The following GUCY1A2 variants were observed in gnomAD, a reference collection of about 807,000 sequenced individuals.
The protein encoded by GUCY1A2 is guanylate cyclase 1 soluble subunit alpha 2.
GUCY1A2 carries 27 observed loss-of-function variants against 63.5 expected under a neutral mutation model. The ratio of observed to expected loss-of-function variants is 0.43; its 90% CI spans 0.31 to 0.59. The LOEUF (loss-of-function observed/expected upper bound fraction) is 0.59, where lower values mean the gene tolerates loss of function less well. Ranked by LOEUF, GUCY1A2 falls within the 20% of genes least tolerant of loss-of-function variation. GUCY1A2 has a pLI of 0.11. For synonymous variants in GUCY1A2, 364 were observed against 343.5 expected, an observed-to-expected ratio of 1.06 and a Z score of -0.66; for missense variants, 768 against 913.3, an observed-to-expected ratio of 0.84 and a Z score of 2.05.
intron 6 of GUCY1A2, among the ~76,000 whole-genome samples, chr11:106,710,642 TAGTC>T (rs1246904403): frequency 6.6e-6 from 1 of 151,748 alleles, no homozygotes; most frequent in Non-Finnish European, 1.5e-5. Flanking sequence ...ACTCTCTGAT[TAGTC>T]TGTCTGGTCC....
chr11:106,986,923 G>C (rs1032232757), intron 1 of GUCY1A2, among the ~76,000 whole-genome samples: 1 of 152,138 alleles, frequency 6.6e-6, no homozygotes, highest in African/African-American at 2.4e-5. Context: ...TTAAGACAGA[G>C]GTTCTTAATC....
chr11:106,940,819 A>T (rs1860742856), intron 3 of GUCY1A2, among the ~76,000 whole-genome samples: 1 of 152,130 alleles, frequency 6.6e-6, no homozygotes, highest in African/African-American at 2.4e-5. Flanking sequence ...AGTTATCATA[A>T]ATAATATATT....
intron 4 of GUCY1A2, among the ~76,000 whole-genome samples, chr11:106,922,480 T>C (rs1304915681): frequency 2.6e-5 from 4 of 151,092 alleles, no homozygotes; most frequent in Non-Finnish European, 5.9e-5. Flanking sequence ...CAACTATATA[T>C]TTGTATATAA....
intron 6 of GUCY1A2, among the ~76,000 whole-genome samples, chr11:106,740,981 T>C (rs1863685277): frequency 6.6e-6 from 1 of 152,168 alleles, no homozygotes; most frequent in Admixed American, 6.5e-5. Context: ...CTCCAATTTA[T>C]GATATTATAG....
chr11:106,950,189 T>C (rs896138061), intron 3 of GUCY1A2, among the ~76,000 whole-genome samples: 2 of 152,210 alleles, frequency 1.3e-5, no homozygotes, highest in South Asian at 2.1e-4. Flanking sequence ...GGGAAGCACA[T>C]GTCTAATCAG....
intron 4 of GUCY1A2, among the ~76,000 whole-genome samples, chr11:106,884,425 G>A (rs958506207): frequency 6.6e-6 from 1 of 152,238 alleles, no homozygotes; most frequent in South Asian, 2.1e-4. Context: ...TTCAGACAGC[G>A]AAAATAGCAC....
intron 1 of GUCY1A2, among the ~76,000 whole-genome samples, chr11:106,992,616 C>T (rs1838663052): frequency 6.6e-6 from 1 of 152,070 alleles, no homozygotes; most frequent in South Asian, 2.1e-4. Flanking sequence ...AGGCATGAGC[C>T]ACCACGCCCG....
chr11:106,942,099 T>C (rs1406941684), intron 3 of GUCY1A2, among the ~76,000 whole-genome samples: 1 of 149,624 alleles, frequency 6.7e-6, no homozygotes, highest in Non-Finnish European at 1.5e-5. Flanking sequence ...AGACAGACAA[T>C]ATTCACTGCC....
chr11:106,742,156 G>C (rs1018915447), intron 6 of GUCY1A2, among the ~76,000 whole-genome samples: 2 of 152,176 alleles, frequency 1.3e-5, no homozygotes, highest in Non-Finnish European at 1.5e-5. Flanking sequence ...GGAGAAAAAA[G>C]TAGCACATGA....
In GUCY1A2 at chr11:106,680,221, G is replaced by C. The variant is rs1046532029; in HGVS notation, c.*7328C>G. On this transcript the variant is annotated 3_prime_UTR_variant, in exon 8 of 8. Transcript: ENST00000526355. ...GAATGCAAAGAAGTGTCTTCAGAAA[G>C]TGAGGTATGAAGAAACAATTTTGCA... 4.7e-6 allele frequency: 1 copy of C among 212,362 alleles called. No individual in the cohort carries two copies. Among genetic ancestry groups the C allele is most frequent in the African/African-American group, 2.3e-5 (1 of 44,146 alleles). 13.2% of individuals were successfully genotyped at this position (212,362 alleles called of 1,614,324 possible). A position where few individuals can be genotyped will look rare whatever the true frequency, so the allele number is the denominator to read the frequency against.
Position 106,677,101 on chromosome 11 carries a change from A to G in GUCY1A2, c.*10448T>C. On this transcript the variant is annotated 3_prime_UTR_variant, in exon 8 of 8. Coordinates refer to ENST00000526355, the MANE Select transcript of GUCY1A2 (RefSeq NM_000855.3). Reference sequence around the variant, plus strand: ...TCAATCATGTGAAAGTGAAAAAGGGAGGCTCCAGCCCAAATAGTAAAGTAC... The same window carrying G: ...TCAATCATGTGAAAGTGAAAAAGGGGGGCTCCAGCCCAAATAGTAAAGTAC... The G allele has an allele frequency of 4.7e-6, 1 of 214,888 alleles. No homozygotes were observed. Among genetic ancestry groups the G allele is most frequent in the Non-Finnish European group, 9.4e-6 (1 of 106,264 alleles). 13.3% of individuals were successfully genotyped at this position (214,888 alleles called of 1,614,324 possible).
intron 1 of GUCY1A2, among the ~76,000 whole-genome samples, chr11:107,008,845 T>G (rs1861706902): frequency 6.6e-6 from 1 of 152,176 alleles, no homozygotes; most frequent in Non-Finnish European, 1.5e-5. Flanking sequence ...AGTATTAAGT[T>G]GGAGGGTTCA....
chr11:106,934,544 G>T (rs1467738709), intron 4 of GUCY1A2, among the ~76,000 whole-genome samples: 2 of 152,108 alleles, frequency 1.3e-5, no homozygotes, highest in Non-Finnish European at 1.5e-5. Context: ...GTCTAGAAAA[G>T]ATAAGAGAGT....
intron 4 of GUCY1A2, among the ~76,000 whole-genome samples, chr11:106,935,681 C>T (rs1860666215): frequency 6.6e-6 from 1 of 151,812 alleles, no homozygotes; most frequent in Non-Finnish European, 1.5e-5. Context: ...AACCCAGTCT[C>T]TACTAAAAAT....
intron 6 of GUCY1A2, among the ~76,000 whole-genome samples, chr11:106,735,990 T>C (rs1055559045): frequency 1.1e-4 from 16 of 152,092 alleles, no homozygotes; most frequent in African/African-American, 3.9e-4. Flanking sequence ...TAGTTTTTTT[T>C]CCTATTGAGT....
At chr11:106,897,738 C>A (rs1002397969) in intron 4 of GUCY1A2, among the ~76,000 whole-genome samples, 1 of 150,672 alleles carries the variant, frequency 6.6e-6, no homozygotes, top group Non-Finnish European at 1.5e-5. Flanking sequence ...ATGTTAAATG[C>A]AAAACTATAA....
chr11:106,719,495 T>A (rs1231191446), intron 6 of GUCY1A2, among the ~76,000 whole-genome samples: 1 of 152,050 alleles, frequency 6.6e-6, no homozygotes, highest in Non-Finnish European at 1.5e-5. Flanking sequence ...GACAGAAGTA[T>A]AAGAAAAAAA....
At chr11:106,693,981 A>C (rs1388741570) in intron 7 of GUCY1A2, among the ~76,000 whole-genome samples, 1 of 152,106 alleles carries the variant, frequency 6.6e-6, no homozygotes, top group African/African-American at 2.4e-5. Flanking sequence ...AATGTCTGTA[A>C]ATATCTTTCT....
chr11:106,767,493 C>A (rs1864184188), intron 6 of GUCY1A2, among the ~76,000 whole-genome samples: 1 of 152,080 alleles, frequency 6.6e-6, no homozygotes. Context: ...GTAAGACTAG[C>A]ATTTTTAGAA....
Sources: gnomAD v4.1 joint callset for allele counts (sites outside exome capture counted in the v4.1 genomes callset) on GRCh38, gnomAD v4.1.1 for gene constraint, MANE v1.5 for transcripts, NCBI Gene and HGNC (gene_info 2026-07-23, HGNC 2026-07-21) for gene names.